The following CD96 variants were observed in gnomAD, a reference collection of about 807,000 sequenced individuals.
The protein encoded by CD96 is CD96 molecule.
CD96 carries 70 observed loss-of-function variants against 71.3 expected under a neutral mutation model. The ratio of observed to expected loss-of-function variants is 0.98; its 90% confidence interval spans 0.81 to 1.20. CD96 has a LOEUF of 1.20. CD96 is among the 50% of genes most tolerant of loss of function. CD96 has a pLI of 0.00. For synonymous variants in CD96, 248 were observed against 233.0 expected, an observed-to-expected ratio of 1.06 and a Z score of -0.59; for missense variants, 742 against 677.5, an observed-to-expected ratio of 1.10 and a Z score of -1.06.
intron 2 of CD96, among the ~76,000 whole-genome samples, chr3:111,548,335 T>C (rs1934520295): frequency 6.6e-6 from 1 of 152,186 alleles, no homozygotes. Flanking sequence ...GAAAGGATTC[T>C]GTTCTCTTTT....
Position 111,626,514 on chromosome 3 carries a change from T to A in CD96, c.1321+2110T>A, listed in dbSNP as rs117958620. 8.5e-5 allele frequency among the ~76,000 whole-genome samples: 13 copies of A among 152,294 alleles called. No homozygotes were observed. In the East Asian group the frequency reaches 2.1e-3, roughly 25 times the overall value. On this transcript the variant is annotated intron_variant, in intron 10 of 13. Coordinates refer to ENST00000352690, the MANE Select transcript of CD96 (RefSeq NM_005816.5). ...CTGGTGGTACCATCACTTTCCACCATCCTTTGGCATTGTATTTCAAAGCTG... is the reference window on the plus strand; with the variant it reads ...CTGGTGGTACCATCACTTTCCACCAACCTTTGGCATTGTATTTCAAAGCTG...
At chr3:111,607,721 T>C (rs1227835582) in intron 8 of CD96, among the ~76,000 whole-genome samples, 1 of 152,218 alleles carries the variant, frequency 6.6e-6, no homozygotes, top group Non-Finnish European at 1.5e-5. Context: ...TGTCACAGGT[T>C]GATACTTCTC....
chr3:111,639,414 T>C (rs1939491141), intron 12 of CD96, among the ~76,000 whole-genome samples: 1 of 152,142 alleles, frequency 6.6e-6, no homozygotes, highest in Admixed American at 6.5e-5. Context: ...ATAATTCTCC[T>C]AGGTGCACAA....
chr3:111,662,048 G>T (rs576311847), intron 14 of CD96, among the ~76,000 whole-genome samples: 4 of 152,226 alleles, frequency 2.6e-5, no homozygotes, highest in Non-Finnish European at 4.4e-5. Context: ...CTAGGGAGAG[G>T]TTCTCAAACC....
chr3:111,571,871 C>A (rs1475568240), intron 3 of CD96, among the ~76,000 whole-genome samples: 1 of 152,172 alleles, frequency 6.6e-6, no homozygotes, highest in Admixed American at 6.5e-5. Flanking sequence ...TGGTTATAGT[C>A]TCCCTTAAAT....
chr3:111,632,604 A>G (rs1203702208), intron 10 of CD96, among the ~76,000 whole-genome samples: 5 of 152,236 alleles, frequency 3.3e-5, no homozygotes, highest in Non-Finnish European at 7.3e-5. Flanking sequence ...TCGACCCAGC[A>G]ATCCCATTAC....
At chr3:111,647,707 T>C (rs527551147) in intron 13 of CD96, 41 bp downstream of exon 13, 2 of 1,453,034 alleles carry the variant, frequency 1.4e-6, no homozygotes, top group South Asian at 2.3e-5. Flanking sequence ...GATTAATTTT[T>C]CATTATAAAA....
chr3:111,585,218 T>C, intron 4 of CD96, 105 bp from the exon 5 acceptor site: 1 of 431,610 alleles, frequency 2.3e-6, no homozygotes, highest in Non-Finnish European at 4.2e-6. Flanking sequence ...TAAATATTAA[T>C]ATTTAATGAA....
intron 12 of CD96, 29 bp from the exon 13 acceptor site, chr3:111,647,514 A>C (rs1939887207): frequency 5.0e-6 from 8 of 1,608,478 alleles, no homozygotes; most frequent in Non-Finnish European, 6.8e-6. Flanking sequence ...TTTGGGATTA[A>C]AGTTCATCTT....
At chr3:111,607,211 T>A (rs1937660439) in intron 8 of CD96, 1 of 217,864 alleles carries the variant, frequency 4.6e-6, no homozygotes, top group Non-Finnish European at 9.2e-6. Context: ...ATTAAATAGG[T>A]TAATAAATGA....
At chr3:111,587,023 G>C (rs1199158149) in intron 5 of CD96, among the ~76,000 whole-genome samples, 2 of 151,988 alleles carry the variant, frequency 1.3e-5, no homozygotes, top group Non-Finnish European at 1.5e-5. Context: ...AAAATCAAAA[G>C]CATGTTAGTT....
intron 14 of CD96, among the ~76,000 whole-genome samples, chr3:111,659,881 A>T (rs1940314727): frequency 6.6e-6 from 1 of 152,210 alleles, no homozygotes; most frequent in African/African-American, 2.4e-5. Flanking sequence ...ATACATCAAA[A>T]TAATAGGAGT....
At chr3:111,594,157 C>T (rs1217777693) in intron 5 of CD96, 2 of 1,611,590 alleles carry the variant, frequency 1.2e-6, no homozygotes, top group South Asian at 2.2e-5. Context: ...CCCCTTTTGC[C>T]TTCATCATTG....
chr3:111,637,304 C>T (rs775141781), intron 11 of CD96, 43 bp downstream of exon 11: 6 of 1,079,044 alleles, frequency 5.6e-6, no homozygotes, highest in Non-Finnish European at 8.7e-6. Context: ...AGCTAGTGGT[C>T]AGCTTTATTT....
chr3:111,618,671 G>A (rs766154586), intron 8 of CD96, among the ~76,000 whole-genome samples: 1 of 143,442 alleles, frequency 7.0e-6, no homozygotes, highest in Non-Finnish European at 1.5e-5. Context: ...TGCAAGCTCC[G>A]CCTCCCAGGT....
At chr3:111,570,895 G>A (rs372435384) in intron 3 of CD96, 44 of 1,601,748 alleles carry the variant, frequency 2.7e-5, no homozygotes, top group Middle Eastern at 3.3e-4. Context: ...TCATGGTATC[G>A]AGGCATTTCC....
rs1935574516 is a variant in CD96, at chr3:111,563,872, G to A, written c.419-3651G>A. 9.2e-5 allele frequency among the ~76,000 whole-genome samples: 14 copies of A among 152,268 alleles called. 1 individual carries two copies. In the South Asian group the frequency reaches 2.9e-3, roughly 32 times the overall value. On this transcript the variant is annotated intron_variant, in intron 2 of 13. Coordinates refer to ENST00000352690, the MANE Select transcript of CD96 (RefSeq NM_005816.5). Reference sequence around the variant, plus strand: ...GGAGAATCCTCAGGAAAGGCTCATAGCAGCAATATTCTCTGAGTTCTTGTG... The same window carrying A: ...GGAGAATCCTCAGGAAAGGCTCATAACAGCAATATTCTCTGAGTTCTTGTG...
intron 5 of CD96, among the ~76,000 whole-genome samples, chr3:111,590,879 C>T (rs1000849102): frequency 1.7e-4 from 26 of 152,138 alleles, no homozygotes; most frequent in African/African-American, 6.3e-4. Flanking sequence ...ACGTCTCTCA[C>T]TCTTATGCTT....
chr3:111,612,922 C>G, intron 8 of CD96: 1 of 383,524 alleles, frequency 2.6e-6, no homozygotes, highest in Non-Finnish European at 3.6e-6. Flanking sequence ...TGTAGCCCAC[C>G]CCCGCCATCA....
Sources: gnomAD v4.1 joint callset for allele counts (sites outside exome capture counted in the v4.1 genomes callset) on GRCh38, gnomAD v4.1.1 for gene constraint, MANE v1.5 for transcripts, NCBI Gene and HGNC (gene_info 2026-07-23, HGNC 2026-07-21) for gene names.